Variants in MICU1 observed in about 807,000 individuals in gnomAD.
The protein encoded by MICU1 is calcium uptake protein 1, mitochondrial.
Under a neutral mutation model 56.8 loss-of-function variants are expected in MICU1, and 45 were observed. The observed-to-expected ratio is 0.79, with a 90% CI of 0.62 to 1.02. The LOEUF (loss-of-function observed/expected upper bound fraction) is 1.02, where lower values mean the gene tolerates loss of function less well. Ranked by LOEUF, MICU1 falls within the 50% of genes least tolerant of loss-of-function variation. The probability of loss-of-function intolerance (pLI) is 0.00; values close to 1 mark genes in which losing one functional copy is unlikely to be tolerated. For missense variants in MICU1, 504 were observed against 587.1 expected, an observed-to-expected ratio of 0.86 and a Z score of 1.46; for synonymous variants, 186 against 195.1, an observed-to-expected ratio of 0.95 and a Z score of 0.39.
chr10:72,497,346 C>T (rs1866880506), intron 6 of MICU1, among the ~76,000 whole-genome samples: 1 of 152,164 alleles, frequency 6.6e-6, no homozygotes, highest in Admixed American at 6.5e-5. Flanking sequence ...GTGTGAGCCA[C>T]CACGCCCAGC....
chr10:72,569,227 A>ATTTTTTTTTTTT (rs1457174727), intron 1 of MICU1, among the ~76,000 whole-genome samples: 1 of 40,584 alleles, frequency 2.5e-5, no homozygotes, highest in African/African-American at 1.1e-4. Context: ...ATATATATAT[A>ATTTTTTTTTTTT]TATATATATA....
chr10:72,516,445 C>T (rs565779048), intron 5 of MICU1, among the ~76,000 whole-genome samples: 1 of 152,226 alleles, frequency 6.6e-6, no homozygotes, highest in Admixed American at 6.5e-5. Flanking sequence ...TTAATTGGAT[C>T]CTATTTGTCA....
intron 6 of MICU1, among the ~76,000 whole-genome samples, chr10:72,486,631 C>G (rs1400062963): frequency 6.6e-6 from 1 of 152,180 alleles, no homozygotes; most frequent in Non-Finnish European, 1.5e-5. Flanking sequence ...GCCACCACAT[C>G]TGGCTAATTT....
intron 9 of MICU1, 94 bp downstream of exon 9, chr10:72,423,140 T>C: frequency 6.7e-7 from 1 of 1,484,576 alleles, no homozygotes; most frequent in Non-Finnish European, 9.1e-7. Flanking sequence ...CATTGGTTCA[T>C]GAAATACTCT....
chr10:72,424,109 AT>A (rs1468173376), intron 8 of MICU1, among the ~76,000 whole-genome samples: 9 of 118,220 alleles, frequency 7.6e-5, no homozygotes, highest in East Asian at 5.8e-4. Context: ...AACAGTGACC[AT>A]TTCCCCCCCA....
chr10:72,442,112 C>G (rs1332517833), intron 8 of MICU1, among the ~76,000 whole-genome samples: 5 of 152,140 alleles, frequency 3.3e-5, no homozygotes, highest in African/African-American at 1.2e-4. Flanking sequence ...TAGTCATCAG[C>G]TCCCTAAAAT....
intron 9 of MICU1, among the ~76,000 whole-genome samples, chr10:72,410,866 G>A (rs1863785909): frequency 6.6e-6 from 1 of 152,188 alleles, no homozygotes; most frequent in Non-Finnish European, 1.5e-5. Flanking sequence ...CATAGGATTA[G>A]AAGTACAGGT....
At chr10:72,375,756 C>T (rs760712179) in intron 11 of MICU1, 27 bp downstream of exon 11, 2 of 1,601,878 alleles carry the variant, frequency 1.2e-6, no homozygotes, top group Admixed American at 1.7e-5. Flanking sequence ...GCTGTTTCCC[C>T]TCCGGGCTCC....
At position 72,455,418 on chromosome 10, in the gene MICU1, C is replaced by A. The variant is rs189421060; in HGVS notation, c.933+19682G>T. On this transcript the variant is annotated intron_variant, in intron 8 of 11. Transcript: ENST00000361114. ...ACCAAAGAAATAAAAACTTCAGACACCCAGAGGGCTCTCATTAAGTGACAC... is the reference window on the plus strand; with the variant it reads ...ACCAAAGAAATAAAAACTTCAGACAACCAGAGGGCTCTCATTAAGTGACAC... Among the ~76,000 whole-genome samples the A allele has an allele frequency of 2.8e-3, 419 of 148,698 alleles. 3 individuals carry two copies. The highest frequency in any genetic ancestry group is 9.7e-3 in the African/African-American group (395 of 40,532).
At chr10:72,412,286 G>C (rs1863840949) in intron 9 of MICU1, among the ~76,000 whole-genome samples, 1 of 152,198 alleles carries the variant, frequency 6.6e-6, no homozygotes, top group Non-Finnish European at 1.5e-5. Context: ...TACAACTTAT[G>C]AAACAATCTA....
intron 11 of MICU1, among the ~76,000 whole-genome samples, chr10:72,373,599 G>A (rs1414874449): frequency 2.0e-5 from 3 of 152,028 alleles, no homozygotes; most frequent in African/African-American, 7.2e-5. Context: ...TTTTCCAAAG[G>A]TGATTTAAGT....
chr10:72,586,013 C>CTTTT lies in MICU1; in HGVS notation c.-1-19223_-1-19220dup, dbSNP rs71021511. Among the ~76,000 whole-genome samples the CTTTT allele has an allele frequency of 4.7e-3, 350 of 74,720 alleles. 29 individuals are homozygous for CTTTT. Among genetic ancestry groups the CTTTT allele is most frequent in the Non-Finnish European group, 6.7e-3 (287 of 42,604 alleles). The allele number at this position is 74,720 out of a possible 152,430, so 49.0% of individuals were successfully genotyped here. ...GTTTTTATTTTTTCTTTTTTTTTTT[C>CTTTT]TTTTTTTTTTTTTTTTTTTGAGACA... is the stretch of plus-strand genomic sequence containing the variant. On this transcript the variant is annotated intron_variant, in intron 1 of 11. Transcript: ENST00000361114.
At chr10:72,566,869 T>C (rs1267625797) in intron 1 of MICU1, 75 bp from the exon 2 acceptor site, 9 of 1,304,458 alleles carry the variant, frequency 6.9e-6, no homozygotes, top group Non-Finnish European at 7.4e-6. Context: ...CCTACCAACA[T>C]TTCTAATAAA....
chr10:72,536,208 C>T (rs1014264164), intron 4 of MICU1, among the ~76,000 whole-genome samples: 7 of 149,196 alleles, frequency 4.7e-5, no homozygotes, highest in African/African-American at 1.7e-4. Context: ...GGCACTGACA[C>T]AAAGAAATGA....
intron 6 of MICU1, among the ~76,000 whole-genome samples, chr10:72,489,954 ACAC>A (rs1041306265): frequency 2.1e-4 from 32 of 152,232 alleles, no homozygotes; most frequent in African/African-American, 7.7e-4. Flanking sequence ...GAAACAAAAA[ACAC>A]CACATGAAAC....
chr10:72,589,175 G>C (rs986851728), intron 1 of MICU1, among the ~76,000 whole-genome samples: 1 of 151,992 alleles, frequency 6.6e-6, no homozygotes, highest in Non-Finnish European at 1.5e-5. Flanking sequence ...TGTAATCCCA[G>C]CTACTCAGGA....
chr10:72,415,208 C>A (rs975466115), intron 9 of MICU1, among the ~76,000 whole-genome samples: 1 of 151,952 alleles, frequency 6.6e-6, no homozygotes, highest in Non-Finnish European at 1.5e-5. Context: ...TAGAGATGTG[C>A]TTTCGCCATG....
chr10:72,401,961 G>T (rs1186718581), intron 10 of MICU1, among the ~76,000 whole-genome samples: 2 of 151,930 alleles, frequency 1.3e-5, no homozygotes, highest in African/African-American at 4.8e-5. Context: ...TGAGAACCAT[G>T]ATCTTGTATT....
chr10:72,433,861 C>CAATCAATGACG (rs1864624521), intron 8 of MICU1, among the ~76,000 whole-genome samples: 1 of 152,170 alleles, frequency 6.6e-6, no homozygotes, highest in Non-Finnish European at 1.5e-5. Flanking sequence ...TCCTCAATAT[C>CAATCAATGACG]AATCAATGAC....
Sources: allele counts gnomAD v4.1 joint callset (sites outside exome capture counted in the v4.1 genomes callset), GRCh38; gene constraint gnomAD v4.1.1; transcripts MANE v1.5; gene names NCBI Gene and HGNC (gene_info 2026-07-23, HGNC 2026-07-21).